Variants in PFAS observed in about 807,000 individuals in gnomAD.
PFAS encodes FGAM synthase.
In PFAS, 97 loss-of-function variants were observed where a neutral mutation model predicts 140.6. The ratio of observed to expected loss-of-function variants is 0.69; its 90% CI spans 0.59 to 0.82. The LOEUF (loss-of-function observed/expected upper bound fraction) is 0.82. Ranked by LOEUF, PFAS falls within the 40% of genes least tolerant of loss-of-function variation. The probability of loss-of-function intolerance (pLI) is 0.00; values close to 1 mark genes in which losing one functional copy is unlikely to be tolerated. For synonymous variants in PFAS, 679 were observed against 718.8 expected, an observed-to-expected ratio of 0.94 and a Z score of 0.88; for missense variants, 1,656 against 1,780.2, an observed-to-expected ratio of 0.93 and a Z score of 1.26.
chr17:8,264,573 T>G lies in PFAS; in HGVS notation c.2021T>G (p.Val674Gly). 6.2e-7 allele frequency: 1 copy of G among 1,613,408 alleles called. No individual in the cohort carries two copies. The highest frequency in any genetic ancestry group is 8.5e-7 in the Non-Finnish European group (1 of 1,179,720). Residue 674 changes from valine to glycine, a missense_variant, in exon 17 of 28, where the codon GTG (valine) becomes GGG (glycine). By Grantham distance (109) the Val-to-Gly change is moderately radical. Coordinates refer to ENST00000314666, the MANE Select transcript of PFAS (RefSeq NM_012393.3). The part of the protein sequence containing the change: ...ALERVLRLPA[V>G]ASKRYLTNKV... Reference sequence around the variant, plus strand: ...GAGAGGGTTCTGAGGCTGCCCGCCGTGGCCAGCAAGCGCTACCTCACCAAT... The same window carrying G: ...GAGAGGGTTCTGAGGCTGCCCGCCGGGGCCAGCAAGCGCTACCTCACCAAT...
Position 8,254,211 on chromosome 17 carries a change from TGTTTG to T in PFAS, c.192_196del (p.Phe64LeufsTer7). 6.2e-7 allele frequency: 1 copy of T among 1,614,196 alleles called. No homozygotes were observed. The highest frequency in any genetic ancestry group is 8.5e-7 in the Non-Finnish European group (1 of 1,180,030). ...GAGGAGACAAAGAAGCTGATGTGGC[TGTTTG>T]GTTGCCCCTTACTGCTGGATGATGT... is the stretch of plus-strand genomic sequence containing the variant. On this transcript the variant is annotated frameshift_variant, in exon 3 of 28. Transcript: ENST00000314666. LOFTEE classifies it high-confidence loss of function.
intron 11 of PFAS, among the ~76,000 whole-genome samples, chr17:8,260,760 G>A (rs1187067004): frequency 6.6e-6 from 1 of 152,166 alleles, no homozygotes; most frequent in Non-Finnish European, 1.5e-5. Context: ...GAGTAGCTGG[G>A]ACCACAGGTG....
chr17:8,248,410 A>ATTTTTTTTTTTTATTTTTTT (rs1988965519), upstream of PFAS, among the ~76,000 whole-genome samples: 1 of 67,664 alleles, frequency 1.5e-5, no homozygotes, highest in Non-Finnish European at 2.8e-5. Flanking sequence ...CGCCCGGCTA[A>ATTTTTTTTTTTTATTTTTTT]TTTTTTTTTT....
At chr17:8,255,219 T>C in intron 4 of PFAS, 87 bp downstream of exon 4, 1 of 1,039,010 alleles carries the variant, frequency 9.6e-7, no homozygotes, top group South Asian at 1.4e-5. Flanking sequence ...GGACAGGTGC[T>C]CCTGGCTTTA....
At position 8,264,178 on chromosome 17, in the gene PFAS, C is replaced by T. The variant is rs375694121; in HGVS notation, c.1792-34C>T. ...CATTCCTTGCTGGTGTTCATAGTCT[C>T]ATCCCCTCTGGGTGGGGTCCCTGTG... On this transcript the variant is annotated intron_variant, in intron 15 of 27. Transcript: ENST00000314666. The T allele has an allele frequency of 3.7e-6, 6 of 1,611,758 alleles. No individual in the cohort carries two copies. In the African/African-American group the frequency reaches 8.0e-5, roughly 22 times the overall value.
At chr17:8,259,514 G>A (rs943028507) in intron 11 of PFAS, among the ~76,000 whole-genome samples, 7 of 151,900 alleles carry the variant, frequency 4.6e-5, no homozygotes, top group African/African-American at 1.7e-4. Context: ...GGGCACAGTG[G>A]CTCACGCCTG....
intron 4 of PFAS, 151 bp downstream of exon 4, chr17:8,255,283 A>G (rs1597417120): frequency 2.9e-6 from 2 of 679,282 alleles, no homozygotes; most frequent in East Asian, 5.6e-5. Context: ...TACCTGGTTG[A>G]GGGGTAAATG....
At chr17:8,253,241 T>C (rs1485555038) in intron 1 of PFAS, among the ~76,000 whole-genome samples, 3 of 152,186 alleles carry the variant, frequency 2.0e-5, no homozygotes, top group Non-Finnish European at 4.4e-5. Context: ...ATATAAACCC[T>C]GTGAGAGCAG....
At chr17:8,247,625 G>T, upstream of PFAS, 1 of 189,612 alleles carries the variant, frequency 5.3e-6, no homozygotes, top group East Asian at 1.5e-4. Flanking sequence ...GGCGCTTTTT[G>T]CCTTCTACAC....
intron 15 of PFAS, 119 bp from the exon 16 acceptor site, chr17:8,264,093 G>A (rs1033503038): frequency 2.0e-6 from 3 of 1,471,396 alleles, no homozygotes; most frequent in Non-Finnish European, 2.8e-6. Flanking sequence ...GAGGGGCAGG[G>A]ACTCAATATG....
At chr17:8,261,239 CT>C (rs879417355) in intron 11 of PFAS, among the ~76,000 whole-genome samples, 198 of 144,810 alleles carry the variant, frequency 1.4e-3, no homozygotes, top group Admixed American at 1.4e-3. Context: ...TTCTTTCTTT[CT>C]TTTTTTTTTT....
At chr17:8,260,197 A>G (rs1181004370) in intron 11 of PFAS, among the ~76,000 whole-genome samples, 1 of 124,350 alleles carries the variant, frequency 8.0e-6, no homozygotes, top group African/African-American at 2.9e-5. Flanking sequence ...ACATACAATA[A>G]TGGTTTGCAG....
At chr17:8,258,988 A>G (rs1447687104) in intron 11 of PFAS, among the ~76,000 whole-genome samples, 2 of 149,658 alleles carry the variant, frequency 1.3e-5, no homozygotes, top group East Asian at 3.9e-4. Flanking sequence ...TCCATCTCAA[A>G]AAAAAAAAAA....
chr17:8,258,599 G>T (rs1204756885), intron 11 of PFAS, among the ~76,000 whole-genome samples: 7 of 152,128 alleles, frequency 4.6e-5, no homozygotes, highest in Non-Finnish European at 1.0e-4. Flanking sequence ...TCAGCACTTT[G>T]GGAGACTGAG....
rs1313602401 is a variant in PFAS at position 8,265,015 on chromosome 17, G to A, written c.2170G>A (p.Ala724Thr). The change falls in exon 18 of 28, where the codon GCC (alanine) becomes ACC (threonine). Residue 724 changes from alanine to threonine, a missense_variant. Physicochemically the swap from Ala to Thr is moderately conservative, Grantham distance 58. Around this residue, in one of 2 missense-constraint regions of PFAS, gnomAD observed 883 missense variants for 1,023.0 expected, o/e 0.86. Coordinates refer to ENST00000314666, the MANE Select transcript of PFAS (RefSeq NM_012393.3). ...SHEELIGAAT[A>T]LGEQPVKSLL... ...TGAGGAGCTCATAGGGGCTGCCACA[G>A]CCTTGGGAGAACAGCCAGTCAAGAG... is the stretch of plus-strand genomic sequence containing the variant. The A allele has an allele frequency of 1.2e-6, 2 of 1,613,628 alleles. No individual in the cohort carries two copies. Among genetic ancestry groups the A allele is most frequent in the Admixed American group, 1.7e-5 (1 of 60,024 alleles).
rs760615874 is a variant in PFAS at position 8,267,628 on chromosome 17, C to T, written c.3345C>T (p.Gly1115=). ...LDTFRGVAFV[G]GFSYADVLGS... Reference sequence around the variant, plus strand: ...CTTTCCGTGGCGTGGCCTTCGTGGGCGGCTTCAGCTATGCAGATGTCCTGG... The same window carrying T: ...CTTTCCGTGGCGTGGCCTTCGTGGGTGGCTTCAGCTATGCAGATGTCCTGG... Residue 1115 remains glycine (G), a synonymous_variant, in exon 26 of 28, where the codon GGC becomes GGT. Transcript: ENST00000314666. This position sits in a 1 kb window ranked among gnomAD's most constrained non-coding sequence, Gnocchi z 4.9. 2.6e-5 allele frequency: 42 copies of T among 1,610,798 alleles called. No homozygotes were observed. Among genetic ancestry groups the T allele is most frequent in the Admixed American group, 3.3e-5 (2 of 59,954 alleles).
Position 8,267,098 on chromosome 17 carries a change from A to C in PFAS, c.3038A>C (p.Glu1013Ala). 2 of 1,613,720 alleles carry C rather than the reference A, an allele frequency of 1.2e-6. No homozygotes were observed. Among genetic ancestry groups the C allele is most frequent in the Non-Finnish European group, 1.7e-6 (2 of 1,179,946 alleles). Reference sequence around the variant, plus strand: ...GGGGAGCTGCGAGCCCTCTGGGAGGAGACGAGTTTCCAGCTGGACCGGCTA... The same window carrying C: ...GGGGAGCTGCGAGCCCTCTGGGAGGCGACGAGTTTCCAGCTGGACCGGCTA... ...PVGELRALWE[E>A]TSFQLDRLQA... The change falls in exon 24 of 28, where the codon GAG (glutamate) becomes GCG (alanine). Residue 1013 changes from glutamate to alanine, a missense_variant. Coordinates refer to ENST00000314666, the MANE Select transcript of PFAS (RefSeq NM_012393.3). The surrounding 1 kb of genome is among the most constrained non-coding windows in gnomAD (Gnocchi z 4.9).
Sources: gnomAD v4.1 joint callset for allele counts (sites outside exome capture counted in the v4.1 genomes callset) on GRCh38, gnomAD v4.1.1 for gene constraint, gnomAD v4.1.1 regional missense constraint, Gnocchi (gnomAD v3.1) non-coding constraint, MANE v1.5 for transcripts, NCBI Gene and HGNC (gene_info 2026-07-23, HGNC 2026-07-21) for gene names.